CACNA1E: variants seen among roughly 807,000 people sequenced by gnomAD.
CACNA1E encodes calcium voltage-gated channel subunit alpha1 E.
A neutral mutation model predicts 259.2 loss-of-function variants in CACNA1E; 40 were observed. The ratio of observed to expected loss-of-function variants is 0.15; its 90% CI spans 0.12 to 0.20. The LOEUF (loss-of-function observed/expected upper bound fraction) is 0.20, where lower values mean the gene tolerates loss of function less well. Among genes scored for constraint, CACNA1E ranks in the 10% least tolerant of loss-of-function variants. CACNA1E has a pLI of 1.00. For missense variants in CACNA1E, 1,874 were observed against 3,040.1 expected, an observed-to-expected ratio of 0.62 and a Z score of 9.02; for synonymous variants, 1,104 against 1,138.5, an observed-to-expected ratio of 0.97 and a Z score of 0.61.
At chr1:181,705,888 A>G (rs1374688909) in intron 7 of CACNA1E, among the ~76,000 whole-genome samples, 2 of 152,206 alleles carry the variant, frequency 1.3e-5, no homozygotes, top group East Asian at 1.9e-4. Flanking sequence ...TGTAAGCAGC[A>G]GAGGATACCT....
At chr1:181,503,912 A>G (rs1665482261) in intron 1 of CACNA1E, among the ~76,000 whole-genome samples, 1 of 152,294 alleles carries the variant, frequency 6.6e-6, no homozygotes, top group South Asian at 2.1e-4. Flanking sequence ...CTTGAAGAAG[A>G]TTCTGAAGTT....
intron 1 of CACNA1E, among the ~76,000 whole-genome samples, chr1:181,505,690 A>T (rs1558064644): frequency 6.6e-6 from 1 of 151,492 alleles, no homozygotes; most frequent in East Asian, 1.9e-4. Context: ...TTTTTTTTTT[A>T]AACATGAAAG....
At chr1:181,495,123 TTTTA>T (rs1255809015) in intron 1 of CACNA1E, among the ~76,000 whole-genome samples, 1 of 152,232 alleles carries the variant, frequency 6.6e-6, no homozygotes, top group East Asian at 1.9e-4. Flanking sequence ...TCAGACAATA[TTTTA>T]TTTCTTTCTT....
intron 7 of CACNA1E, among the ~76,000 whole-genome samples, chr1:181,657,169 C>T (rs1056802328): frequency 1.3e-5 from 2 of 152,178 alleles, no homozygotes; most frequent in African/African-American, 4.8e-5. Context: ...AGTAGGTCCT[C>T]TATTCAGCTC....
At chr1:181,548,922 G>A (rs1301090400) in intron 3 of CACNA1E, among the ~76,000 whole-genome samples, 1 of 152,168 alleles carries the variant, frequency 6.6e-6, no homozygotes, top group Non-Finnish European at 1.5e-5. Context: ...AGAGAATAAA[G>A]CAAGTTCCCA....
intron 6 of CACNA1E, among the ~76,000 whole-genome samples, chr1:181,642,462 T>C (rs758663532): frequency 7.2e-5 from 11 of 152,150 alleles, no homozygotes; most frequent in African/African-American, 1.2e-4. Flanking sequence ...TCCAGCATGT[T>C]CTTTCTGGAA....
chr1:181,740,232 G>T (rs1656435606), intron 25 of CACNA1E, among the ~76,000 whole-genome samples: 1 of 152,174 alleles, frequency 6.6e-6, no homozygotes, highest in South Asian at 2.1e-4. Flanking sequence ...AGGCAGGAGA[G>T]CTTTCAGGAG....
chr1:181,541,418 A>T (rs1457107054), intron 3 of CACNA1E, among the ~76,000 whole-genome samples: 1 of 152,098 alleles, frequency 6.6e-6, no homozygotes, highest in Non-Finnish European at 1.5e-5. Flanking sequence ...AGGAGTTATG[A>T]ATCTCCCCAT....
intron 2 of CACNA1E, among the ~76,000 whole-genome samples, chr1:181,436,589 A>G (rs1423816646): frequency 6.6e-6 from 1 of 152,264 alleles, no homozygotes. Context: ...ATATTATGCT[A>G]AGTGAAATAA....
rs1163929911 is a variant in CACNA1E, at chr1:181,557,786, C to T, written c.513-19980C>T. ...ATGAGAGGAGGGGGCAGAGCTGGCT[C>T]AGCGGCACTCTGTGGGGAAAGGACT... On this transcript the variant is annotated intron_variant, in intron 3 of 47. Transcript: ENST00000367573. 2.0e-5 allele frequency among the ~76,000 whole-genome samples: 3 copies of T among 152,172 alleles called. No homozygotes were observed. In the East Asian group the frequency reaches 5.8e-4, roughly 29 times the overall value.
chr1:181,486,804 TG>T (rs1663857275), intron 1 of CACNA1E, among the ~76,000 whole-genome samples: 1 of 152,012 alleles, frequency 6.6e-6, no homozygotes. Flanking sequence ...GTGCCTGAAG[TG>T]GGGAGGGGTC....
At chr1:181,691,161 C>G (rs1342346471) in intron 7 of CACNA1E, among the ~76,000 whole-genome samples, 1 of 151,804 alleles carries the variant, frequency 6.6e-6, no homozygotes, top group African/African-American at 2.4e-5. Flanking sequence ...TTTCAGTTTT[C>G]TCATCTCTTT....
Position 181,798,516 on chromosome 1 carries a change from C to T in CACNA1E, c.6624C>T (p.Thr2208=), listed in dbSNP as rs577783944. ...TGGAGAGCAACAATGCTTGCCTGAC[C>T]GAGTCTTCCAACTCTCCGCACCCCC... ...QALESNNACL[T]ESSNSPHPQQ... Residue 2208 remains threonine, a synonymous_variant, in exon 48 of 48, where the codon ACC becomes ACT. Transcript: ENST00000367573. The surrounding 1 kb of genome is among the most constrained non-coding windows in gnomAD (Gnocchi z 4.2). 4.6e-5 allele frequency: 74 copies of T among 1,613,898 alleles called. 1 individual carries two copies. Among genetic ancestry groups the T allele is most frequent in the South Asian group, 4.4e-4 (40 of 91,090 alleles).
chr1:181,512,765 A>G (rs1355341964), intron 3 of CACNA1E, among the ~76,000 whole-genome samples: 1 of 152,264 alleles, frequency 6.6e-6, no homozygotes, highest in Non-Finnish European at 1.5e-5. Flanking sequence ...TGGGATGACT[A>G]TTCATGTTTA....
chr1:181,546,152 G>A (rs1647439729), intron 3 of CACNA1E, among the ~76,000 whole-genome samples: 1 of 152,124 alleles, frequency 6.6e-6, no homozygotes, highest in South Asian at 2.1e-4. Flanking sequence ...ATGTGTGCCA[G>A]GTCGTCAAGT....
intron 37 of CACNA1E, among the ~76,000 whole-genome samples, chr1:181,774,982 T>TATC (rs1464239259): frequency 6.6e-6 from 1 of 152,172 alleles, no homozygotes; most frequent in Non-Finnish European, 1.5e-5. Context: ...GCTCAGATGA[T>TATC]ATCACCAGGT....
chr1:181,720,514 C>A (rs1654323624), intron 14 of CACNA1E, among the ~76,000 whole-genome samples, 177 bp downstream of exon 14: 1 of 152,190 alleles, frequency 6.6e-6, no homozygotes, highest in African/African-American at 2.4e-5. Flanking sequence ...TTATTCCTTT[C>A]ATGCTGTACA....
In CACNA1E at chr1:181,719,768, C is replaced by T; in HGVS notation, c.1656C>T (p.Ile552=). 2 of 1,600,748 alleles carry T rather than the reference C, an allele frequency of 1.2e-6. No homozygotes were observed. Among genetic ancestry groups the T allele is most frequent in the Non-Finnish European group, 1.7e-6 (2 of 1,172,574 alleles). The part of the protein sequence containing the change: ...CFDFGVTVGS[I]FEVVWAIFRP... ...CTCTCTAGGTCACAGTGGGCAGTAT[C>T]TTTGAAGTGGTCTGGGCAATCTTCA... is the stretch of plus-strand genomic sequence containing the variant. The change falls in exon 13 of 48, where the codon ATC becomes ATT. Residue 552 remains isoleucine (I), a synonymous_variant. Coordinates refer to ENST00000367573, the MANE Select transcript of CACNA1E (RefSeq NM_001205293.3).
Position 181,590,414 on chromosome 1 carries a change from A to ATATATAT in CACNA1E, c.951+9638_951+9639insTATATAT, listed in dbSNP as rs1206091612. On this transcript the variant is annotated intron_variant, in intron 6 of 47. Transcript: ENST00000367573. ...TGGAGTCAATTACAAAAAAAAAAAA[A>ATATATAT]AAATATATATATATATATATATTGT... Among the ~76,000 whole-genome samples the ATATATAT allele has an allele frequency of 7.2e-5, 9 of 125,726 alleles. 1 individual carries two copies. Among genetic ancestry groups the ATATATAT allele is most frequent in the African/African-American group, 2.8e-4 (9 of 32,140 alleles). The allele number at this position is 125,726 out of a possible 152,430, so 82.5% of individuals were successfully genotyped here.
Sources: allele counts gnomAD v4.1 joint callset (sites outside exome capture counted in the v4.1 genomes callset), GRCh38; gene constraint gnomAD v4.1.1; non-coding constraint Gnocchi (gnomAD v3.1); transcripts MANE v1.5; gene names NCBI Gene and HGNC (gene_info 2026-07-23, HGNC 2026-07-21).